The following UBN2 variants were observed in gnomAD, a reference collection of about 807,000 sequenced individuals.
UBN2 encodes ubinuclein 2.
In UBN2, 35 loss-of-function variants were observed where a neutral mutation model predicts 120.2. The observed-to-expected ratio is 0.29, with a 90% CI of 0.22 to 0.39. UBN2 has a LOEUF of 0.39. Ranked by LOEUF, UBN2 falls within the 10% of genes least tolerant of loss-of-function variation. The pLI, the probability that UBN2 is intolerant of heterozygous loss-of-function variation, is 1.00. For missense variants in UBN2, 1,693 were observed against 1,663.2 expected (o/e 1.02, Z -0.31); for synonymous variants, 661 against 648.7 (o/e 1.02, Z -0.29).
At chr7:139,287,903 G>A (rs1463785857) in intron 15 of UBN2, among the ~76,000 whole-genome samples, 1 of 152,156 alleles carries the variant, frequency 6.6e-6, no homozygotes, top group Non-Finnish European at 1.5e-5. Context: ...AAAGGCATCT[G>A]TGGGTGTCTG....
rs372660090 is a variant in UBN2 at position 139,300,337 on chromosome 7, G to A, written c.*2501G>A. The A allele has an allele frequency of 2.0e-5, 3 of 151,664 alleles. No individual in the cohort carries two copies. Among genetic ancestry groups the A allele is most frequent in the South Asian group, 2.1e-4 (1 of 4,810 alleles). 9.4% of individuals were successfully genotyped at this position (151,664 alleles called of 1,614,324 possible). A position where few individuals can be genotyped will look rare whatever the true frequency, so the allele number is the denominator to read the frequency against. ...ATGTTGTATGAATCAGTCAAACATC[G>A]TTGTATTTCTGTATAGATAAAGTAT... On this transcript the variant is annotated 3_prime_UTR_variant, in exon 18 of 18. Transcript: ENST00000473989.
downstream of UBN2, among the ~76,000 whole-genome samples, chr7:139,311,137 A>C (rs1798442088): frequency 6.6e-6 from 1 of 152,208 alleles, no homozygotes; most frequent in African/African-American, 2.4e-5. Flanking sequence ...AGGTTTTGAT[A>C]ATTGGGAACG....
chr7:139,273,966 G>A lies in UBN2; in HGVS notation c.1865G>A (p.Gly622Glu). The part of the protein sequence containing the change: ...LLCNLVEIKL[G>E]CYELEPNKSQ... ...TGTAACCTTGTTGAGATCAAATTGG[G>A]ATGCTATGAGTTAGAACCAAATAAA... Residue 622 changes from glycine to glutamate, a missense_variant, in exon 11 of 18, where the codon GGA (glycine) becomes GAA (glutamate). Coordinates refer to ENST00000473989, the MANE Select transcript of UBN2 (RefSeq NM_173569.4). 6.2e-7 allele frequency: 1 copy of A among 1,612,420 alleles called. No homozygotes were observed. Among genetic ancestry groups the A allele is most frequent in the Non-Finnish European group, 8.5e-7 (1 of 1,179,526 alleles).
chr7:139,233,111 C>G (rs1421518032), intron 1 of UBN2, among the ~76,000 whole-genome samples: 10 of 152,250 alleles, frequency 6.6e-5, no homozygotes, highest in African/African-American at 2.4e-4. Flanking sequence ...TCATGTTGAA[C>G]AATTTCACTA....
chr7:139,274,121 C>T, intron 11 of UBN2, 47 bp downstream of exon 11: 2 of 1,523,664 alleles, frequency 1.3e-6, no homozygotes, highest in South Asian at 1.3e-5. Flanking sequence ...ATTATTATTG[C>T]TGTTATTAAA....
chr7:139,312,990 G>T (rs1798468507), downstream of UBN2, among the ~76,000 whole-genome samples: 1 of 151,644 alleles, frequency 6.6e-6, no homozygotes, highest in Admixed American at 6.6e-5. Context: ...CTGTTCCATT[G>T]TTCTTTTTAT....
chr7:139,247,466 A>G (rs564261626), intron 2 of UBN2, among the ~76,000 whole-genome samples: 4 of 152,328 alleles, frequency 2.6e-5, no homozygotes, highest in Admixed American at 6.5e-5. Context: ...AACTTCTCAT[A>G]TAGAATTTTT....
the UBN2 span, among the ~76,000 whole-genome samples, chr7:139,328,744 G>A: frequency 6.6e-6 from 1 of 151,880 alleles, no homozygotes; most frequent in South Asian, 2.1e-4. Flanking sequence ...CATGCCTGTA[G>A]TCCCAGCTAT....
At position 139,260,640 on chromosome 7, in the gene UBN2, C is replaced by T. The variant is rs142528889; in HGVS notation, c.906-612C>T. Among the ~76,000 whole-genome samples, 32 of 152,000 alleles carry T rather than the reference C, an allele frequency of 2.1e-4. No individual in the cohort carries two copies. In the East Asian group the frequency reaches 5.6e-3, roughly 27 times the overall value. Reference sequence around the variant, plus strand: ...TTATCAATATCCATAAGATTGATGTCGGGCGTATTTCTCCCCTCCTAAAAC... The same window carrying T: ...TTATCAATATCCATAAGATTGATGTTGGGCGTATTTCTCCCCTCCTAAAAC... On this transcript the variant is annotated intron_variant, in intron 5 of 17. Transcript: ENST00000473989.
the UBN2 span, among the ~76,000 whole-genome samples, chr7:139,329,328 A>G: frequency 3.3e-3 from 503 of 152,082 alleles, 3 homozygotes; most frequent in African/African-American, 0.011. Flanking sequence ...CCCCCAGTCA[A>G]CCACTGTTCC....
At chr7:139,274,167 T>A in intron 11 of UBN2, 93 bp downstream of exon 11, 13 of 1,297,946 alleles carry the variant, frequency 1.0e-5, no homozygotes, top group Non-Finnish European at 1.3e-5. Flanking sequence ...GACATTGATT[T>A]TGCTAAGAAC....
intron 2 of UBN2, among the ~76,000 whole-genome samples, chr7:139,242,851 A>T (rs996495029): frequency 1.3e-5 from 2 of 152,150 alleles, no homozygotes; most frequent in Non-Finnish European, 2.9e-5. Flanking sequence ...ACTGCCTTGA[A>T]ACTCAGCTCC....
At chr7:139,313,870 C>G in the UBN2 span, among the ~76,000 whole-genome samples, 19 of 146,878 alleles carry the variant, frequency 1.3e-4, no homozygotes, top group African/African-American at 4.8e-4. Flanking sequence ...TTTTTTGAGA[C>G]AGAGTTTTGC....
chr7:139,268,769 G>C (rs749346463), intron 7 of UBN2, among the ~76,000 whole-genome samples: 23 of 152,094 alleles, frequency 1.5e-4, no homozygotes, highest in South Asian at 4.1e-4. Context: ...AGGAGCTTTT[G>C]GTTAATTACA....
chr7:139,296,896 CTCTT>C (rs972626134), intron 17 of UBN2, among the ~76,000 whole-genome samples: 1 of 151,808 alleles, frequency 6.6e-6, no homozygotes, highest in African/African-American at 2.4e-5. Context: ...GCAAGACTCT[CTCTT>C]AAAAAAAGAA....
chr7:139,299,132 A>G lies in UBN2; in HGVS notation c.*1296A>G, dbSNP rs1235898833. 1 of 152,152 alleles carries G rather than the reference A, an allele frequency of 6.6e-6. No individual in the cohort carries two copies. The highest frequency in any genetic ancestry group is 2.4e-5 in the African/African-American group (1 of 41,446). 9.4% of individuals were successfully genotyped at this position (152,152 alleles called of 1,614,324 possible). ...CCTTATGCAAATAGCATATTCAACA[A>G]AGGATGTTAAGGGAAAAATTTATGG... On this transcript the variant is annotated 3_prime_UTR_variant, in exon 18 of 18. Transcript: ENST00000473989.
chr7:139,238,724 G>T (rs908211448), intron 2 of UBN2, among the ~76,000 whole-genome samples: 1 of 152,142 alleles, frequency 6.6e-6, no homozygotes, highest in Non-Finnish European at 1.5e-5. Context: ...GCCTGGCCAA[G>T]GGTACAGTTT....
chr7:139,275,986 G>T (rs529830536), intron 11 of UBN2, 111 bp from the exon 12 acceptor site: 1 of 801,864 alleles, frequency 1.2e-6, no homozygotes, highest in African/African-American at 1.7e-5. Context: ...CTTTTACTTG[G>T]TAAATAAGCA....
At chr7:139,290,915 T>G (rs1021220470) in intron 15 of UBN2, among the ~76,000 whole-genome samples, 2 of 152,170 alleles carry the variant, frequency 1.3e-5, no homozygotes, top group Non-Finnish European at 2.9e-5. Context: ...TACATTAACT[T>G]AAGAAGTACC....
Sources: allele counts gnomAD v4.1 joint callset (sites outside exome capture counted in the v4.1 genomes callset), GRCh38; gene constraint gnomAD v4.1.1; transcripts MANE v1.5; gene names NCBI Gene and HGNC (gene_info 2026-07-23, HGNC 2026-07-21).